TRIM8: variants seen among roughly 807,000 people sequenced by gnomAD.
TRIM8 encodes tripartite motif containing 8.
In TRIM8, 9 loss-of-function variants were observed where a neutral mutation model predicts 55.7. That is an observed-to-expected ratio of 0.16 (90% CI 0.10 to 0.28). The LOEUF (loss-of-function observed/expected upper bound fraction) is 0.28. TRIM8 is among the 10% of genes least tolerant of loss of function. The probability of loss-of-function intolerance (pLI) is 1.00; values close to 1 mark genes in which losing one functional copy is unlikely to be tolerated. For synonymous variants in TRIM8, 335 were observed against 333.3 expected, an observed-to-expected ratio of 1.01 and a Z score of -0.06; for missense variants, 556 against 736.4, an observed-to-expected ratio of 0.76 and a Z score of 2.83.
In TRIM8 at chr10:102,644,604, T is replaced by A. The variant is rs776595249; in HGVS notation, c.-14T>A. On this transcript the variant is annotated 5_prime_UTR_variant, in exon 1 of 6. Transcript: ENST00000643721. ...GTCGGGGAGGCCTGCCCCGGCCCCCTGCCCGCGGCCGCCATGGCGGAGAAT... is the reference window on the plus strand; with the variant it reads ...GTCGGGGAGGCCTGCCCCGGCCCCCAGCCCGCGGCCGCCATGGCGGAGAAT... 3 of 1,608,874 alleles carry A rather than the reference T, an allele frequency of 1.9e-6. No individual in the cohort carries two copies. The highest frequency in any genetic ancestry group is 2.5e-6 in the Non-Finnish European group (3 of 1,178,420).
In TRIM8 at chr10:102,657,016, G is replaced by A. The variant is rs906066553; in HGVS notation, c.1318G>A (p.Val440Met). 1.9e-6 allele frequency: 3 copies of A among 1,612,528 alleles called. No homozygotes were observed. Among genetic ancestry groups the A allele is most frequent in the Non-Finnish European group, 2.5e-6 (3 of 1,179,888 alleles). The change falls in exon 6 of 6, where the codon GTG (valine) becomes ATG (methionine). Residue 440 changes from valine to methionine, a missense_variant. Coordinates refer to ENST00000643721, the MANE Select transcript of TRIM8 (RefSeq NM_030912.3). Reference protein sequence around the residue: ...GGAQPVHSSPVFPPSQYPNGS... With the variant: ...GGAQPVHSSPMFPPSQYPNGS... The stretch of plus-strand genomic sequence containing the variant: ...CGCCCAACCAGTGCACTCAAGCCCC[G>A]TGTTCCCCCCATCGCAGTATCCCAA...
In TRIM8 at chr10:102,656,486, A is replaced by G. The variant is rs1459018940; in HGVS notation, c.1048+101A>G. Reference sequence around the variant, plus strand: ...GAGGCAGTGTGGCCCAGTCTGGGAGACCTGTCCTCATATCCAGGCTTTGCC... The same window carrying G: ...GAGGCAGTGTGGCCCAGTCTGGGAGGCCTGTCCTCATATCCAGGCTTTGCC... On this transcript the variant is annotated intron_variant, in intron 5 of 5. Coordinates refer to ENST00000643721, the MANE Select transcript of TRIM8 (RefSeq NM_030912.3). This position sits in a 1 kb window ranked among gnomAD's most constrained non-coding sequence, Gnocchi z 4.6. The G allele has an allele frequency of 2.7e-6, 4 of 1,494,474 alleles. No homozygotes were observed. Among genetic ancestry groups the G allele is most frequent in the South Asian group, 1.3e-5 (1 of 77,750 alleles). 92.6% of individuals were successfully genotyped at this position (1,494,474 alleles called of 1,614,324 possible).
rs185891045 is a variant in TRIM8, at chr10:102,655,806, C to A, written c.901-300C>A. Among the ~76,000 whole-genome samples the A allele has an allele frequency of 7.5e-4, 115 of 152,340 alleles. 1 individual carries two copies. The South Asian group carries it at 0.012, about 15-fold the overall frequency. Reference sequence around the variant, plus strand: ...AAAAATTCCAAATTCCAAAACACATCTGGCCCCAAAGACTTGAGCTAAAAC... The same window carrying A: ...AAAAATTCCAAATTCCAAAACACATATGGCCCCAAAGACTTGAGCTAAAAC... On this transcript the variant is annotated intron_variant, in intron 3 of 5. Coordinates refer to ENST00000643721, the MANE Select transcript of TRIM8 (RefSeq NM_030912.3).
Position 102,657,200 on chromosome 10 carries a change from A to G in TRIM8, c.1502A>G (p.Glu501Gly), listed in dbSNP as rs1395248963. The change falls in exon 6 of 6, where the codon GAG (glutamate) becomes GGG (glycine). Residue 501 changes from glutamate to glycine, a missense_variant. This residue lies in a region of TRIM8 where 391 missense variants were observed against 441.0 expected (regional missense o/e 0.89). Transcript: ENST00000643721. ...TTTCCCTGGACAGTGCCCTCGCAGG[A>G]GTACTCACACCCGCTCCCGCCCACA... Reference protein sequence around the residue: ...GHFPWTVPSQEYSHPLPPTPS... With the variant: ...GHFPWTVPSQGYSHPLPPTPS... 2 of 1,613,850 alleles carry G rather than the reference A, an allele frequency of 1.2e-6. No individual in the cohort carries two copies. Among genetic ancestry groups the G allele is most frequent in the Non-Finnish European group, 8.5e-7 (1 of 1,179,934 alleles).
At chr10:102,655,913 G>A (rs2064019537) in intron 3 of TRIM8, among the ~76,000 whole-genome samples, 193 bp from the exon 4 acceptor site, 2 of 152,202 alleles carry the variant, frequency 1.3e-5, no homozygotes, top group Admixed American at 6.5e-5. Context: ...CCTGGGTCAC[G>A]TGGCAAGAGC....
chr10:102,647,238 G>A (rs896508945), intron 1 of TRIM8, among the ~76,000 whole-genome samples: 1 of 152,182 alleles, frequency 6.6e-6, no homozygotes, highest in Non-Finnish European at 1.5e-5. Context: ...GTGTGCGTGT[G>A]TGCGTGTGTG....
Position 102,657,346 on chromosome 10 carries a change from A to G in TRIM8, c.1648A>G (p.Thr550Ala). 6.4e-7 allele frequency: 1 copy of G among 1,573,550 alleles called. No individual in the cohort carries two copies. Among genetic ancestry groups the G allele is most frequent in the Non-Finnish European group, 8.7e-7 (1 of 1,155,978 alleles). The stretch of plus-strand genomic sequence containing the variant: ...GCAGCCGTCCACCAAACACTACGTG[A>G]CGAGCTAACGCCACGCAGGCGGCGG... Reference protein sequence around the residue: ...YGQPSTKHYVTS With the variant: ...YGQPSTKHYVAS The change falls in exon 6 of 6, where the codon ACG (threonine) becomes GCG (alanine). Residue 550 changes from threonine to alanine, a missense_variant. Coordinates refer to ENST00000643721, the MANE Select transcript of TRIM8 (RefSeq NM_030912.3).
chr10:102,647,599 C>T (rs1310968514), intron 1 of TRIM8, among the ~76,000 whole-genome samples: 2 of 152,054 alleles, frequency 1.3e-5, no homozygotes, highest in African/African-American at 2.4e-5. Flanking sequence ...GTAGGCCAAA[C>T]AGGGGGAGTG....
At position 102,647,733 on chromosome 10, in the gene TRIM8, C is replaced by T. The variant is rs181054826; in HGVS notation, c.570+2546C>T. ...GGATACAGGGGCAGAAGCACAGAGA[C>T]CTGGCACCTGCCTTAAAATCTAGGC... is the stretch of plus-strand genomic sequence containing the variant. On this transcript the variant is annotated intron_variant, in intron 1 of 5. Transcript: ENST00000643721. Among the ~76,000 whole-genome samples the T allele has an allele frequency of 3.9e-5, 6 of 152,326 alleles. No homozygotes were observed. In the East Asian group the frequency reaches 1.2e-3, roughly 29 times the overall value.
intron 1 of TRIM8, among the ~76,000 whole-genome samples, chr10:102,647,265 C>T (rs912294618): frequency 6.6e-6 from 1 of 152,190 alleles, no homozygotes; most frequent in Non-Finnish European, 1.5e-5. Context: ...CGCGTGCATG[C>T]GCGTGCTTTC....
rs931307273 is a variant in TRIM8, at chr10:102,656,647, G to T, written c.1049-100G>T. The T allele has an allele frequency of 8.7e-6, 13 of 1,486,972 alleles. No homozygotes were observed. The highest frequency in any genetic ancestry group is 1.4e-5 in the South Asian group (1 of 72,470). The allele number at this position is 1,486,972 out of a possible 1,614,324, so 92.1% of individuals were successfully genotyped here. ...CATCACCTGAGATGTAACATTCTTG[G>T]GCCTCTAGGTGTCAATGGTCCCCAG... On this transcript the variant is annotated intron_variant, in intron 5 of 5. Transcript: ENST00000643721. This position sits in a 1 kb window ranked among gnomAD's most constrained non-coding sequence, Gnocchi z 4.6.
chr10:102,650,312 G>A (rs1590106216), intron 1 of TRIM8, among the ~76,000 whole-genome samples: 1 of 152,346 alleles, frequency 6.6e-6, no homozygotes, highest in Admixed American at 6.5e-5. Context: ...TAGGGGCTCA[G>A]GGTTCGCTGC....
In TRIM8 at chr10:102,644,756, A is replaced by G; in HGVS notation, c.139A>G (p.Ser47Gly). The G allele has an allele frequency of 6.2e-7, 1 of 1,613,260 alleles. No individual in the cohort carries two copies. The highest frequency in any genetic ancestry group is 8.5e-7 in the Non-Finnish European group (1 of 1,179,860). ...CATCGGCGAGGCGTGGGCCAAGGAC[A>G]GCGGCCTCGTACGCTGCCCAGAGTG... ...GCIGEAWAKD[S>G]GLVRCPECNQ... is the part of the protein sequence containing the mutation. Residue 47 changes from serine (S) to glycine (G), a missense_variant, in exon 1 of 6, where the codon AGC becomes GGC. Physicochemically the swap from Ser to Gly is moderately conservative, Grantham distance 56. Around this residue, in one of 2 missense-constraint regions of TRIM8, gnomAD observed 165 missense variants for 295.3 expected, o/e 0.56. Transcript: ENST00000643721.
chr10:102,650,801 A>G (rs2063978352), intron 1 of TRIM8, among the ~76,000 whole-genome samples: 1 of 151,750 alleles, frequency 6.6e-6, no homozygotes, highest in Admixed American at 6.6e-5. Flanking sequence ...GGGGGTTGGG[A>G]TGGAAAGGAG....
At position 102,656,760 on chromosome 10, in the gene TRIM8, G is replaced by T; in HGVS notation, c.1062G>T (p.Thr354=). ...AACTCTCCACAGGCCCCTTCAGCAC[G>T]CCGGTGCCCTTCCTGCAGAGTGTCC... ...LRKMLEGPFS[T]PVPFLQSVPL... is the part of the protein sequence containing the mutation. Residue 354 remains threonine (T), a synonymous_variant, in exon 6 of 6, where the codon ACG becomes ACT. Transcript: ENST00000643721. This position sits in a 1 kb window ranked among gnomAD's most constrained non-coding sequence, Gnocchi z 4.6. The T allele has an allele frequency of 6.6e-7, 1 of 1,511,420 alleles. No individual in the cohort carries two copies. The highest frequency in any genetic ancestry group is 1.3e-5 in the South Asian group (1 of 74,526). The allele number at this position is 1,511,420 out of a possible 1,614,324, so 93.6% of individuals were successfully genotyped here.
rs1218912446 is a variant in TRIM8, at chr10:102,657,350, G to A, written c.1652G>A (p.Ser551Asn). Residue 551 changes from serine (S) to asparagine (N), a missense_variant, in exon 6 of 6, where the codon AGC becomes AAC. Transcript: ENST00000643721. ...CCGTCCACCAAACACTACGTGACGAGCTAACGCCACGCAGGCGGCGGGGCG... is the reference window on the plus strand; with the variant it reads ...CCGTCCACCAAACACTACGTGACGAACTAACGCCACGCAGGCGGCGGGGCG... ...GQPSTKHYVTS is the reference protein window; with the variant it reads ...GQPSTKHYVTN 6.4e-7 allele frequency: 1 copy of A among 1,563,540 alleles called. No homozygotes were observed. The highest frequency in any genetic ancestry group is 1.4e-5 in the African/African-American group (1 of 73,518).
chr10:102,652,865 G>A (rs7071895), intron 1 of TRIM8, among the ~76,000 whole-genome samples: 35 of 150,962 alleles, frequency 2.3e-4, no homozygotes, highest in African/African-American at 7.8e-4. Flanking sequence ...GTGCAATGGC[G>A]CGATCTTGGC....
chr10:102,656,430 GA>G lies in TRIM8; in HGVS notation c.1048+46del. The G allele has an allele frequency of 6.4e-7, 1 of 1,574,756 alleles. No homozygotes were observed. Among genetic ancestry groups the G allele is most frequent in the Non-Finnish European group, 8.6e-7 (1 of 1,158,792 alleles). On this transcript the variant is annotated intron_variant, in intron 5 of 5. Transcript: ENST00000643721. The surrounding 1 kb of genome is among the most constrained non-coding windows in gnomAD (Gnocchi z 4.6). ...CCGAAGGGAGACAGGGACCTTTGGG[GA>G]GGGGTTCAGCGCCACAGCCTTCCCT... is the stretch of plus-strand genomic sequence containing the variant.
chr10:102,654,351 CACTTGAACCGGGGAGGCG>C, intron 1 of TRIM8: 1 of 256,206 alleles, frequency 3.9e-6, no homozygotes, highest in East Asian at 8.9e-5. Context: ...ACAGGAGAAT[CACTTGAACCGGGGAGGCG>C]GAGGTTACAG....
Sources: allele counts gnomAD v4.1 joint callset (sites outside exome capture counted in the v4.1 genomes callset), GRCh38; gene constraint gnomAD v4.1.1; regional missense constraint gnomAD v4.1.1; non-coding constraint Gnocchi (gnomAD v3.1); transcripts MANE v1.5; gene names NCBI Gene and HGNC (gene_info 2026-07-23, HGNC 2026-07-21).